The following TMC5 variants were observed in gnomAD, a reference collection of about 807,000 sequenced individuals.
TMC5 encodes the protein transmembrane channel like 5, also known as transmembrane channel-like protein 5.
Under a neutral mutation model 110.5 loss-of-function variants are expected in TMC5, and 86 were observed. The ratio of observed to expected loss-of-function variants is 0.78; its 90% CI spans 0.65 to 0.93. TMC5 has a LOEUF of 0.93. Ranked by LOEUF, TMC5 falls within the 40% of genes least tolerant of loss-of-function variation. TMC5 has a pLI of 0.00. For missense variants in TMC5, 1,144 were observed against 1,222.8 expected (o/e 0.94, Z 0.96); for synonymous variants, 455 against 439.5 (o/e 1.04, Z -0.44).
chr16:19,445,561 G>A (rs113675038), intron 4 of TMC5, among the ~76,000 whole-genome samples: 124 of 151,838 alleles, frequency 8.2e-4, no homozygotes, highest in African/African-American at 2.9e-3. Flanking sequence ...TACTTTCTAG[G>A]AGGAAAAAGA....
Position 19,498,083 on chromosome 16 carries a change from C to A in TMC5, c.*117C>A. 1 of 1,035,022 alleles carries A rather than the reference C, an allele frequency of 9.7e-7. No individual in the cohort carries two copies. Among genetic ancestry groups the A allele is most frequent in the Non-Finnish European group, 1.5e-6 (1 of 670,086 alleles). The allele number at this position is 1,035,022 out of a possible 1,614,324, so 64.1% of individuals were successfully genotyped here. On this transcript the variant is annotated 3_prime_UTR_variant, in exon 22 of 22. Transcript: ENST00000542583. ...CCCAGAAGAAAATCCAAGGCTTTAG[C>A]CAGGAGCGGAAACTGACTACCATGT... is the stretch of plus-strand genomic sequence containing the variant.
chr16:19,449,936 A>G (rs1967712369), intron 5 of TMC5, among the ~76,000 whole-genome samples: 1 of 152,090 alleles, frequency 6.6e-6, no homozygotes. Context: ...AGACAATTAA[A>G]CCTCTTTTGT....
intron 5 of TMC5, among the ~76,000 whole-genome samples, chr16:19,451,810 T>C (rs751387922): frequency 6.6e-6 from 1 of 151,980 alleles, no homozygotes; most frequent in Non-Finnish European, 1.5e-5. Flanking sequence ...TTTATTATTA[T>C]TATTATTTTT....
chr16:19,480,744 G>T (rs902019932), intron 14 of TMC5, among the ~76,000 whole-genome samples: 4 of 147,820 alleles, frequency 2.7e-5, no homozygotes, highest in Admixed American at 6.9e-5. Context: ...GATGGAGGTT[G>T]CAGTGAGCCG....
At chr16:19,459,658 T>A (rs1205377884) in intron 5 of TMC5, among the ~76,000 whole-genome samples, 1 of 152,072 alleles carries the variant, frequency 6.6e-6, no homozygotes, top group African/African-American at 2.4e-5. Context: ...GGTGTGTGCC[T>A]GTAGTCCCAG....
At chr16:19,459,380 G>A (rs1410558263) in intron 5 of TMC5, among the ~76,000 whole-genome samples, 1 of 152,166 alleles carries the variant, frequency 6.6e-6, no homozygotes, top group East Asian at 1.9e-4. Flanking sequence ...AGGAGAAAAG[G>A]AGGGTGTACT....
intron 9 of TMC5, among the ~76,000 whole-genome samples, chr16:19,467,582 A>G (rs997093500): frequency 1.3e-5 from 2 of 152,002 alleles, no homozygotes; most frequent in African/African-American, 4.8e-5. Context: ...CCCAGGTTCA[A>G]GGGATTCTCC....
chr16:19,446,702 A>C (rs1967622310), intron 4 of TMC5, among the ~76,000 whole-genome samples: 1 of 152,208 alleles, frequency 6.6e-6, no homozygotes. Flanking sequence ...CCTCTTATTT[A>C]CCCTGCATTA....
intron 2 of TMC5, among the ~76,000 whole-genome samples, chr16:19,438,576 GTC>G (rs1967409974): frequency 6.6e-6 from 1 of 151,494 alleles, no homozygotes; most frequent in South Asian, 2.1e-4. Context: ...GTGAAACCCT[GTC>G]TCTACTAAAA....
chr16:19,483,779 AAAAAGAAAAG>A lies in TMC5; in HGVS notation c.2363+2330_2363+2339del, dbSNP rs58940905. Among the ~76,000 whole-genome samples the A allele has an allele frequency of 1.3e-4, 20 of 149,388 alleles. No individual in the cohort carries two copies. In the Middle Eastern group the frequency reaches 0.01, roughly 77 times the overall value. ...GGCAGCGAGAGTGAAACTCTGTCTC[AAAAAGAAAAG>A]AAAAGAAAAGAAAAGGCCAGGCACG... is the stretch of plus-strand genomic sequence containing the variant. On this transcript the variant is annotated intron_variant, in intron 15 of 21. Transcript: ENST00000542583.
chr16:19,498,226 A>G lies in TMC5; in HGVS notation c.*260A>G, dbSNP rs1374498893. The G allele has an allele frequency of 8.4e-6, 4 of 478,122 alleles. No individual in the cohort carries two copies. Among genetic ancestry groups the G allele is most frequent in the Non-Finnish European group, 1.5e-5 (4 of 267,274 alleles). The allele number at this position is 478,122 out of a possible 1,614,324, so 29.6% of individuals were successfully genotyped here. A position where few individuals can be genotyped will look rare whatever the true frequency, so the allele number is the denominator to read the frequency against. On this transcript the variant is annotated 3_prime_UTR_variant, in exon 22 of 22. Coordinates refer to ENST00000542583, the MANE Select transcript of TMC5 (RefSeq NM_001261841.2). ...ATTGTTGTAATATTGAAATGAGCCT[A>G]CAAAAACCTAGGAAGAGATAACTAG...
upstream of TMC5, chr16:19,417,553 AC>A (rs1188837936): frequency 6.7e-6 from 1 of 150,108 alleles, no homozygotes; most frequent in African/African-American, 2.5e-5. Flanking sequence ...TAAAAAAAAA[AC>A]ACAAAACGAA....
At chr16:19,449,841 TGTAAGATGTGCCC>T (rs1967708272) in intron 5 of TMC5, among the ~76,000 whole-genome samples, 2 of 132,330 alleles carry the variant, frequency 1.5e-5, no homozygotes, top group African/African-American at 7.3e-5. Flanking sequence ...CCTGCCCCCA[TGTAAGATGTGCCC>T]TTCTTTCCCC....
intron 12 of TMC5, among the ~76,000 whole-genome samples, chr16:19,475,248 C>A (rs535025229): frequency 6.6e-6 from 1 of 152,230 alleles, no homozygotes; most frequent in East Asian, 1.9e-4. Flanking sequence ...ATGGTGAAAC[C>A]CCGTCTTTAC....
chr16:19,465,049 TTCTTTCTTTTCCTTCCTTCC>T (rs1370407018), intron 8 of TMC5, among the ~76,000 whole-genome samples: 44 of 102,242 alleles, frequency 4.3e-4, no homozygotes, highest in East Asian at 1.4e-3. Flanking sequence ...CTTTCTTTCT[TTCTTTCTTTTCCTTCCTTCC>T]TTCCTTCCTT....
chr16:19,478,958 T>C (rs1968551553), intron 13 of TMC5, among the ~76,000 whole-genome samples: 1 of 152,244 alleles, frequency 6.6e-6, no homozygotes, highest in Non-Finnish European at 1.5e-5. Context: ...ACTGACTAAT[T>C]TGAGCTTCCA....
intron 2 of TMC5, among the ~76,000 whole-genome samples, chr16:19,436,366 A>G (rs576662320): frequency 1.3e-5 from 2 of 152,128 alleles, no homozygotes; most frequent in South Asian, 4.1e-4. Context: ...TTTTGGGCCA[A>G]TACAGCTGTA....
intron 4 of TMC5, among the ~76,000 whole-genome samples, chr16:19,448,486 G>A (rs1794543002): frequency 6.6e-6 from 1 of 151,742 alleles, no homozygotes; most frequent in Non-Finnish European, 1.5e-5. Flanking sequence ...AGGCATGGTG[G>A]TGCATGCTTG....
chr16:19,435,308 G>T (rs1354779646), intron 2 of TMC5, among the ~76,000 whole-genome samples: 2 of 146,408 alleles, frequency 1.4e-5, no homozygotes, highest in African/African-American at 2.6e-5. Flanking sequence ...TGGCTAACAT[G>T]GTGAAACCCC....
Sources: gnomAD v4.1 joint callset for allele counts (sites outside exome capture counted in the v4.1 genomes callset) on GRCh38, gnomAD v4.1.1 for gene constraint, MANE v1.5 for transcripts, NCBI Gene and HGNC (gene_info 2026-07-23, HGNC 2026-07-21) for gene names.